Variants in LNPK observed in about 807,000 individuals in gnomAD.
LNPK encodes the protein lunapark, ER junction formation factor.
A neutral mutation model predicts 55.2 loss-of-function variants in LNPK; 29 were observed. That is an observed-to-expected ratio of 0.53 (90% CI 0.39 to 0.72). The LOEUF (loss-of-function observed/expected upper bound fraction) is 0.72. Among genes scored for constraint, LNPK ranks in the 30% least tolerant of loss-of-function variants. LNPK has a pLI of 0.00. For missense variants in LNPK, 467 were observed against 494.8 expected, an observed-to-expected ratio of 0.94 and a Z score of 0.53; for synonymous variants, 162 against 168.2, an observed-to-expected ratio of 0.96 and a Z score of 0.29.
intron 8 of LNPK, among the ~76,000 whole-genome samples, chr2:175,963,901 G>A (rs1686199093): frequency 6.6e-6 from 1 of 151,696 alleles, no homozygotes; most frequent in Admixed American, 6.6e-5. Flanking sequence ...CTCAAAAATA[G>A]TTAACATTAC....
chr2:175,959,058 G>C (rs926697922), intron 8 of LNPK, among the ~76,000 whole-genome samples: 1 of 152,176 alleles, frequency 6.6e-6, no homozygotes, highest in Non-Finnish European at 1.5e-5. Context: ...CAAGAAATAT[G>C]GGACTATGTG....
At chr2:175,951,173 C>T (rs1295550488) in intron 8 of LNPK, among the ~76,000 whole-genome samples, 2 of 151,934 alleles carry the variant, frequency 1.3e-5, no homozygotes, top group Non-Finnish European at 2.9e-5. Flanking sequence ...AGGAAGAACA[C>T]CATACAATAA....
chr2:176,001,442 C>T (rs577529352), intron 1 of LNPK, among the ~76,000 whole-genome samples: 68 of 152,124 alleles, frequency 4.5e-4, no homozygotes, highest in South Asian at 1.2e-3. Flanking sequence ...CTGAGTTGAC[C>T]AATTTCAACT....
At position 175,964,258 on chromosome 2, in the gene LNPK, T is replaced by C. The variant is rs567714262; in HGVS notation, c.493+114A>G. 5.6e-6 allele frequency: 4 copies of C among 718,696 alleles called. No homozygotes were observed. In the East Asian group the frequency reaches 1.1e-4, roughly 19 times the overall value. 44.5% of individuals were successfully genotyped at this position (718,696 alleles called of 1,614,324 possible). ...CATATCCCAAATTACCAAATATAAA[T>C]TTACACAGAAGCATTCTACATAAGT... On this transcript the variant is annotated intron_variant, in intron 8 of 12. Coordinates refer to ENST00000272748, the MANE Select transcript of LNPK (RefSeq NM_030650.3).
At chr2:175,970,055 A>G (rs909507324) in intron 6 of LNPK, among the ~76,000 whole-genome samples, 1 of 152,228 alleles carries the variant, frequency 6.6e-6, no homozygotes, top group African/African-American at 2.4e-5. Flanking sequence ...ATACATTTCT[A>G]TACAACATAA....
intron 12 of LNPK, 145 bp downstream of exon 12, chr2:175,937,199 G>C: frequency 1.5e-6 from 1 of 675,664 alleles, no homozygotes; most frequent in Non-Finnish European, 2.5e-6. Context: ...TATCACACAG[G>C]AGGCTATGGT....
chr2:175,991,769 A>G (rs1189522560), intron 4 of LNPK, among the ~76,000 whole-genome samples: 1 of 152,244 alleles, frequency 6.6e-6, no homozygotes, highest in Non-Finnish European at 1.5e-5. Flanking sequence ...CCTCCTATAC[A>G]GTGCTATATT....
At chr2:175,938,090 G>A (rs1017767452) in intron 11 of LNPK, among the ~76,000 whole-genome samples, 2 of 152,096 alleles carry the variant, frequency 1.3e-5, no homozygotes, top group African/African-American at 4.8e-5. Context: ...TGATTGTGAT[G>A]CACAGTGGGG....
chr2:175,936,185 A>G (rs751367913), intron 12 of LNPK, among the ~76,000 whole-genome samples: 1 of 152,178 alleles, frequency 6.6e-6, no homozygotes, highest in Non-Finnish European at 1.5e-5. Context: ...GCATTGATTC[A>G]GTGTTGGAAG....
chr2:175,992,185 T>C (rs1687734251), intron 4 of LNPK, 46 bp downstream of exon 4: 2 of 1,263,172 alleles, frequency 1.6e-6, no homozygotes, highest in Non-Finnish European at 2.2e-6. Flanking sequence ...ATTAAGACTC[T>C]CTAGTCAGAA....
At chr2:175,989,046 A>G (rs780411080) in intron 4 of LNPK, among the ~76,000 whole-genome samples, 5 of 152,190 alleles carry the variant, frequency 3.3e-5, no homozygotes, top group Non-Finnish European at 5.9e-5. Context: ...AAGTGCTGGG[A>G]TTACAGGCGT....
chr2:175,997,150 T>C (rs982174098), intron 1 of LNPK, among the ~76,000 whole-genome samples: 1 of 152,214 alleles, frequency 6.6e-6, no homozygotes, highest in East Asian at 1.9e-4. Context: ...AACTGTAAAA[T>C]ACTTTTACTC....
chr2:175,932,097 T>A (rs1684305808), intron 12 of LNPK: 1 of 444,992 alleles, frequency 2.2e-6, no homozygotes, highest in Non-Finnish European at 4.5e-6. Context: ...CCAATAAACA[T>A]GTTTAAGTGA....
At position 175,944,114 on chromosome 2, in the gene LNPK, T is replaced by C. The variant is rs190052720; in HGVS notation, c.706+3366A>G. 3.7e-3 allele frequency among the ~76,000 whole-genome samples: 568 copies of C among 152,216 alleles called. 4 individuals carry two copies. Among genetic ancestry groups the C allele is most frequent in the Non-Finnish European group, 2.8e-3 (191 of 67,962 alleles). On this transcript the variant is annotated intron_variant, in intron 9 of 12. Transcript: ENST00000272748. ...TACAAGAGCAATATACAAAAATCAATTGTATTTCTATATACTAGCAATAAC... is the reference window on the plus strand; with the variant it reads ...TACAAGAGCAATATACAAAAATCAACTGTATTTCTATATACTAGCAATAAC...
At chr2:175,985,883 CA>C (rs1029895993) in intron 4 of LNPK, among the ~76,000 whole-genome samples, 1 of 152,126 alleles carries the variant, frequency 6.6e-6, no homozygotes, top group Non-Finnish European at 1.5e-5. Context: ...CTGCAGAGGG[CA>C]AAACTATGGA....
chr2:175,988,785 T>C lies in LNPK; in HGVS notation c.257+3446A>G, dbSNP rs370165273. The stretch of plus-strand genomic sequence containing the variant: ...ATATATAAAAGCCATATCTAAAAAT[T>C]CCTTTTGAGGTTATTTTTGAGTCTG... On this transcript the variant is annotated intron_variant, in intron 4 of 12. Transcript: ENST00000272748. 1.2e-4 allele frequency among the ~76,000 whole-genome samples: 19 copies of C among 152,286 alleles called. No homozygotes were observed. In the East Asian group the frequency reaches 3.1e-3, roughly 25 times the overall value.
intron 9 of LNPK, among the ~76,000 whole-genome samples, chr2:175,941,266 A>AATATATTTATATTTATATTTATATTT (rs1684825199): frequency 2.1e-5 from 2 of 95,924 alleles, no homozygotes; most frequent in African/African-American, 7.5e-5. Flanking sequence ...CAAGCAGCCT[A>AATATATTTATATTTATATTTATATTT]ATATATTTAT....
At chr2:176,002,449 G>C, upstream of LNPK, 1 of 313,904 alleles carries the variant, frequency 3.2e-6, no homozygotes, top group Non-Finnish European at 6.2e-6. Flanking sequence ...TAGGCTGCTC[G>C]GTGTCGTGTC....
chr2:175,941,821 AAGAG>A (rs1223436329), intron 9 of LNPK, among the ~76,000 whole-genome samples: 1 of 147,316 alleles, frequency 6.8e-6, no homozygotes, highest in African/African-American at 2.5e-5. Flanking sequence ...AAAGAAAAAG[AAGAG>A]AGAGAGAAAT....
Sources: gnomAD v4.1 joint callset for allele counts (sites outside exome capture counted in the v4.1 genomes callset) on GRCh38, gnomAD v4.1.1 for gene constraint, MANE v1.5 for transcripts, NCBI Gene and HGNC (gene_info 2026-07-23, HGNC 2026-07-21) for gene names.